The following EPB41L1 variants were observed in gnomAD, a reference collection of about 807,000 sequenced individuals.
EPB41L1 encodes the protein band 4.1-like protein 1.
In EPB41L1, 29 loss-of-function variants were observed where a neutral mutation model predicts 97.8. That is an observed-to-expected ratio of 0.30 (90% CI 0.22 to 0.40). EPB41L1 has a LOEUF of 0.40. Ranked by LOEUF, EPB41L1 falls within the 10% of genes least tolerant of loss-of-function variation. EPB41L1 has a pLI of 1.00. For missense variants in EPB41L1, 812 were observed against 1,162.3 expected, an observed-to-expected ratio of 0.70 and a Z score of 4.38; for synonymous variants, 383 against 459.2, an observed-to-expected ratio of 0.83 and a Z score of 2.12.
intron 2 of EPB41L1, among the ~76,000 whole-genome samples, chr20:36,138,167 A>G (rs1458852362): frequency 6.6e-6 from 1 of 151,962 alleles, no homozygotes; most frequent in African/African-American, 2.4e-5. Context: ...TAATGCTGCT[A>G]TGGCCTTGGC....
chr20:36,108,207 T>C (rs2058264578), intron 1 of EPB41L1, among the ~76,000 whole-genome samples: 1 of 151,980 alleles, frequency 6.6e-6, no homozygotes, highest in Non-Finnish European at 1.5e-5. Context: ...CTTGAACTCC[T>C]GGTTTCAAGA....
At chr20:36,102,701 A>G (rs1010180499) in intron 1 of EPB41L1, among the ~76,000 whole-genome samples, 4 of 152,086 alleles carry the variant, frequency 2.6e-5, no homozygotes, top group Non-Finnish European at 5.9e-5. Context: ...TGCATCTTCC[A>G]TCTTCAGAGA....
chr20:36,193,097 G>A (rs1203975950), intron 11 of EPB41L1, among the ~76,000 whole-genome samples: 1 of 152,218 alleles, frequency 6.6e-6, no homozygotes, highest in African/African-American at 2.4e-5. Context: ...CTCCCCTGTA[G>A]CTTCCATTAC....
chr20:36,196,853 G>A (rs550486624), intron 13 of EPB41L1, among the ~76,000 whole-genome samples: 2 of 152,330 alleles, frequency 1.3e-5, no homozygotes, highest in African/African-American at 4.8e-5. Context: ...GCTTTTGGCA[G>A]GTCCCTGCCA....
At chr20:36,182,420 A>G in intron 6 of EPB41L1, 73 bp downstream of exon 6, 1 of 1,532,120 alleles carries the variant, frequency 6.5e-7, no homozygotes, top group Non-Finnish European at 9.0e-7. Context: ...GGCCCTGGGG[A>G]CACAGGCAGT....
In EPB41L1 at chr20:36,115,641, C is replaced by T. The variant is rs577488667; in HGVS notation, c.-10+3161C>T. 3.3e-5 allele frequency among the ~76,000 whole-genome samples: 5 copies of T among 152,306 alleles called. No individual in the cohort carries two copies. In the South Asian group the frequency reaches 1.0e-3, roughly 32 times the overall value. On this transcript the variant is annotated intron_variant, in intron 2 of 19. Coordinates refer to the EPB41L1 transcript ENST00000202028. ...GTGCTGTGGCTCACACCTGTAATCC[C>T]AGCACTTTGGGAGGCCGAGGCAGGT...
chr20:36,206,239 C>T lies in EPB41L1; in HGVS notation c.1669-3249C>T, dbSNP rs1207662970. On this transcript the variant is annotated intron_variant, in intron 14 of 21. Coordinates refer to ENST00000338074, the MANE Select transcript of EPB41L1 (RefSeq NM_012156.2). The surrounding 1 kb of genome is among the most constrained non-coding windows in gnomAD (Gnocchi z 5.5). ...CACCAGAGAGGCAACCATCAGGAAC[C>T]GCTGCATGTCAGATGGTCAGCCGGA... 6.2e-6 allele frequency: 8 copies of T among 1,289,888 alleles called. No individual in the cohort carries two copies. The highest frequency in any genetic ancestry group is 4.3e-4 in the Middle Eastern group (2 of 4,696). 79.9% of individuals were successfully genotyped at this position (1,289,888 alleles called of 1,614,324 possible).
chr20:36,171,739 G>A (rs1316454190), intron 1 of EPB41L1, among the ~76,000 whole-genome samples: 1 of 152,174 alleles, frequency 6.6e-6, no homozygotes. Flanking sequence ...GAAGTGTGGG[G>A]CGGGGGACCT....
At chr20:36,111,786 CAAA>C (rs397731410) in intron 1 of EPB41L1, among the ~76,000 whole-genome samples, 8 of 90,206 alleles carry the variant, frequency 8.9e-5, no homozygotes, top group Admixed American at 3.9e-4. Flanking sequence ...GACTCTGTCT[CAAA>C]AAAAAAAAAA....
At chr20:36,159,474 C>T (rs936016210) in intron 1 of EPB41L1, among the ~76,000 whole-genome samples, 4 of 152,306 alleles carry the variant, frequency 2.6e-5, no homozygotes, top group Admixed American at 1.3e-4. Context: ...CTTATGACTG[C>T]TCTGCGACAG....
chr20:36,125,981 G>A (rs746433672), intron 2 of EPB41L1, among the ~76,000 whole-genome samples: 17 of 151,874 alleles, frequency 1.1e-4, no homozygotes, highest in Non-Finnish European at 2.4e-4. Flanking sequence ...GGGAAGAAAG[G>A]AACTTGTCCT....
Position 36,120,163 on chromosome 20 carries a change from C to T in EPB41L1, c.-10+7683C>T, listed in dbSNP as rs140793554. Among the ~76,000 whole-genome samples, 646 of 152,308 alleles carry T rather than the reference C, an allele frequency of 4.2e-3. 4 individuals carry two copies. Among genetic ancestry groups the T allele is most frequent in the Non-Finnish European group, 6.6e-3 (451 of 68,036 alleles). ...TACCAAGCCCCTACTCTAAGCCAGGCGTGGTTATAAGTGATTCATTTCTGT... is the reference window on the plus strand; with the variant it reads ...TACCAAGCCCCTACTCTAAGCCAGGTGTGGTTATAAGTGATTCATTTCTGT... On this transcript the variant is annotated intron_variant, in intron 2 of 19. Coordinates refer to the EPB41L1 transcript ENST00000202028.
chr20:36,226,842 C>T (rs549578424), intron 21 of EPB41L1, among the ~76,000 whole-genome samples: 2 of 152,122 alleles, frequency 1.3e-5, no homozygotes, highest in Non-Finnish European at 2.9e-5. Flanking sequence ...CCCACATACC[C>T]AGAATAATGA....
chr20:36,187,647 G>A (rs1177677022), intron 7 of EPB41L1, 29 bp from the exon 8 acceptor site: 1 of 1,599,740 alleles, frequency 6.3e-7, no homozygotes, highest in Admixed American at 1.7e-5. Flanking sequence ...CTTTCCCTTG[G>A]TCACCTGTGA....
chr20:36,180,959 G>A (rs1407190165), intron 5 of EPB41L1, among the ~76,000 whole-genome samples: 4 of 152,138 alleles, frequency 2.6e-5, no homozygotes, highest in Non-Finnish European at 4.4e-5. Context: ...CTGAGAGAGT[G>A]ACATAACCTC....
chr20:36,195,077 G>T lies in EPB41L1; in HGVS notation c.1450-252G>T, dbSNP rs930600436. 1.3e-5 allele frequency among the ~76,000 whole-genome samples: 2 copies of T among 152,092 alleles called. No individual in the cohort carries two copies. The highest frequency in any genetic ancestry group is 4.8e-5 in the African/African-American group (2 of 41,398). On this transcript the variant is annotated intron_variant, in intron 12 of 21. Coordinates refer to ENST00000338074, the MANE Select transcript of EPB41L1 (RefSeq NM_012156.2). The surrounding 1 kb of genome is among the most constrained non-coding windows in gnomAD (Gnocchi z 4.6). ...GGAACTCCATTCTCACATCCCATCTGCCCAGTGTGGCTCTGCCCACTTGGC... is the reference window on the plus strand; with the variant it reads ...GGAACTCCATTCTCACATCCCATCTTCCCAGTGTGGCTCTGCCCACTTGGC...
intron 2 of EPB41L1, among the ~76,000 whole-genome samples, chr20:36,130,815 CTT>C (rs1555836418): frequency 3.9e-4 from 58 of 149,066 alleles, no homozygotes; most frequent in Non-Finnish European, 1.0e-4. Flanking sequence ...CTCTCTCTCT[CTT>C]TTTTTCCCCG....
chr20:36,164,372 A>C (rs1009770700), intron 1 of EPB41L1, among the ~76,000 whole-genome samples: 1 of 152,212 alleles, frequency 6.6e-6, no homozygotes, highest in South Asian at 2.1e-4. Context: ...AACATCATTC[A>C]AAACAAGAGA....
In EPB41L1 at chr20:36,118,567, A is replaced by G. The variant is rs1209755968; in HGVS notation, c.-10+6087A>G. 3.9e-5 allele frequency among the ~76,000 whole-genome samples: 6 copies of G among 152,184 alleles called. No individual in the cohort carries two copies. The East Asian group carries it at 1.2e-3, about 29-fold the overall frequency. On this transcript the variant is annotated intron_variant, in intron 2 of 19. Coordinates refer to the EPB41L1 transcript ENST00000202028. Reference sequence around the variant, plus strand: ...AACTGGGATTCTGGAATTAGTGATGATGATTGCACAACTCCGTATGTAAAT... The same window carrying G: ...AACTGGGATTCTGGAATTAGTGATGGTGATTGCACAACTCCGTATGTAAAT...
Sources: allele counts gnomAD v4.1 joint callset (sites outside exome capture counted in the v4.1 genomes callset), GRCh38; gene constraint gnomAD v4.1.1; non-coding constraint Gnocchi (gnomAD v3.1); transcripts MANE v1.5; gene names NCBI Gene and HGNC (gene_info 2026-07-23, HGNC 2026-07-21).